The following HNRNPM variants were observed in gnomAD, a reference collection of about 807,000 sequenced individuals.
HNRNPM encodes CEA receptor.
In HNRNPM, 11 loss-of-function variants were observed where a neutral mutation model predicts 73.1. That is an observed-to-expected ratio of 0.15 (90% CI 0.09 to 0.25). The LOEUF is 0.25. Ranked by LOEUF, HNRNPM falls within the 10% of genes least tolerant of loss-of-function variation. The pLI is 1.00. For synonymous variants in HNRNPM, 407 were observed against 355.2 expected (o/e 1.15, Z -1.64); for missense variants, 789 against 1,067.9 (o/e 0.74, Z 3.64).
intron 9 of HNRNPM, 51 bp from the exon 10 acceptor site, chr19:8,471,275 C>T: frequency 8.5e-7 from 1 of 1,174,700 alleles, no homozygotes; most frequent in Non-Finnish European, 1.2e-6. Context: ...CTTTGAGGGT[C>T]AAGGTTTGCT....
chr19:8,486,906 G>T, intron 14 of HNRNPM, 118 bp from the exon 15 acceptor site: 2 of 823,660 alleles, frequency 2.4e-6, no homozygotes, highest in South Asian at 1.4e-5. Context: ...TCAGTCTGAA[G>T]GGCAGCCAGC....
intron 10 of HNRNPM, 119 bp from the exon 11 acceptor site, chr19:8,473,545 C>A: frequency 3.0e-6 from 2 of 670,032 alleles, no homozygotes; most frequent in South Asian, 1.7e-5. Flanking sequence ...ATAAAATATA[C>A]TTGTCATCAG....
At chr19:8,475,204 C>G (rs1970417666) in intron 12 of HNRNPM, among the ~76,000 whole-genome samples, 1 of 152,226 alleles carries the variant, frequency 6.6e-6, no homozygotes, top group Non-Finnish European at 1.5e-5. Context: ...CCCAGGCTGT[C>G]TGGCTCCAGA....
At position 8,474,156 on chromosome 19, in the gene HNRNPM, C is replaced by T. The variant is rs1970345504; in HGVS notation, c.1043-11C>T. 6.4e-7 allele frequency: 1 copy of T among 1,572,754 alleles called. No individual in the cohort carries two copies. The highest frequency in any genetic ancestry group is 1.4e-5 in the African/African-American group (1 of 72,058). ...TGTTGGATGATGCTGAAATGTGAAC[C>T]TCTCTTGCAGGAATGGAGGGGCCCT... On this transcript the variant is annotated splice_polypyrimidine_tract_variant and intron_variant, in intron 11 of 15. Transcript: ENST00000325495.
At chr19:8,468,204 A>T (rs1969889600) in intron 8 of HNRNPM, among the ~76,000 whole-genome samples, 2 of 152,308 alleles carry the variant, frequency 1.3e-5, no homozygotes, top group South Asian at 4.1e-4. Context: ...CCAGTTTTTC[A>T]AAGTATTACA....
At chr19:8,463,827 C>G (rs1969556996) in intron 5 of HNRNPM, 141 bp downstream of exon 5, 1 of 624,624 alleles carries the variant, frequency 1.6e-6, no homozygotes, top group African/African-American at 1.8e-5. Flanking sequence ...GAGTGTCGGT[C>G]ATAGCCTACA....
intron 12 of HNRNPM, among the ~76,000 whole-genome samples, chr19:8,478,776 G>C (rs1970687631): frequency 6.6e-6 from 1 of 152,222 alleles, no homozygotes; most frequent in African/African-American, 2.4e-5. Context: ...TGACTTTCTG[G>C]CCCCCTAGGC....
chr19:8,449,292 A>AG (rs536989804), intron 1 of HNRNPM, among the ~76,000 whole-genome samples: 65 of 151,912 alleles, frequency 4.3e-4, no homozygotes, highest in Non-Finnish European at 6.0e-4. Flanking sequence ...TTTTTTTGGG[A>AG]GGGGGGGTTC....
intron 1 of HNRNPM, among the ~76,000 whole-genome samples, chr19:8,454,683 C>CT (rs1568263019): frequency 0.024 from 2,988 of 124,250 alleles, 141 homozygotes; most frequent in African/African-American, 0.08. Flanking sequence ...GCCCCCCCCC[C>CT]CTTTTTTTTT....
intron 2 of HNRNPM, among the ~76,000 whole-genome samples, chr19:8,458,338 T>C (rs529268031): frequency 6.6e-6 from 1 of 152,366 alleles, no homozygotes; most frequent in East Asian, 1.9e-4. Flanking sequence ...GGTTGTATCC[T>C]GACAGGTAAA....
chr19:8,455,336 A>T, intron 1 of HNRNPM, 69 bp from the exon 2 acceptor site: 1 of 1,352,056 alleles, frequency 7.4e-7, no homozygotes, highest in Non-Finnish European at 1.0e-6. Flanking sequence ...CTGGCAAATC[A>T]AATAATTATC....
intron 11 of HNRNPM, 74 bp from the exon 12 acceptor site, chr19:8,474,088 CATGTG>C (rs1178028946): frequency 2.9e-6 from 3 of 1,041,558 alleles, no homozygotes; most frequent in East Asian, 2.8e-5. Context: ...CCAGTTGAAA[CATGTG>C]ATAGAATTTT....
intron 9 of HNRNPM, among the ~76,000 whole-genome samples, chr19:8,470,390 C>T (rs1383562152): frequency 1.3e-5 from 2 of 152,038 alleles, no homozygotes; most frequent in African/African-American, 2.4e-5. Flanking sequence ...TGCAGTGGTG[C>T]GGTCTTGGCT....
intron 1 of HNRNPM, among the ~76,000 whole-genome samples, chr19:8,451,287 C>T (rs565960412): frequency 6.6e-6 from 1 of 152,092 alleles, no homozygotes; most frequent in African/African-American, 2.4e-5. Context: ...AGGTGATCTG[C>T]CCGCCTCGGC....
chr19:8,468,906 G>C (rs1969945966), intron 9 of HNRNPM, 72 bp downstream of exon 9: 1 of 1,240,562 alleles, frequency 8.1e-7, no homozygotes, highest in South Asian at 1.2e-5. Flanking sequence ...TTACCATATG[G>C]TTTCACTTGA....
Position 8,462,653 on chromosome 19 carries a change from G to A in HNRNPM, c.336+72G>A, listed in dbSNP as rs771797019. On this transcript the variant is annotated intron_variant, in intron 3 of 15. Coordinates refer to ENST00000325495, the MANE Select transcript of HNRNPM (RefSeq NM_005968.5). This position sits in a 1 kb window ranked among gnomAD's most constrained non-coding sequence, Gnocchi z 4.5. ...TGTAACTGTATGGTGGCGTGGAATC[G>A]AATGAAATCAGGAAGGCAGTGAGTG... 33 of 1,274,366 alleles carry A rather than the reference G, an allele frequency of 2.6e-5. No homozygotes were observed. Among genetic ancestry groups the A allele is most frequent in the Non-Finnish European group, 1.7e-5 (15 of 870,414 alleles). 78.9% of individuals were successfully genotyped at this position (1,274,366 alleles called of 1,614,324 possible). A position where few individuals can be genotyped will look rare whatever the true frequency, so the allele number is the denominator to read the frequency against.
chr19:8,468,767 CT>C lies in HNRNPM; in HGVS notation c.835-4del. 4.3e-6 allele frequency: 7 copies of C among 1,612,028 alleles called. No individual in the cohort carries two copies. The highest frequency in any genetic ancestry group is 5.9e-6 in the Non-Finnish European group (7 of 1,178,142). On this transcript the variant is annotated splice_region_variant and splice_polypyrimidine_tract_variant and intron_variant, in intron 8 of 15. Coordinates refer to ENST00000325495, the MANE Select transcript of HNRNPM (RefSeq NM_005968.5). ...ACTGAGATTTGTTTGTTTTCTTTCT[CT>C]TTCAGGATGAGAGGGCCTTACCAAA...
At position 8,485,707 on chromosome 19, in the gene HNRNPM, A is replaced by G. The variant is rs1215860451; in HGVS notation, c.1279A>G (p.Met427Val). Residue 427 changes from methionine to valine, a missense_variant, in exon 14 of 16, where the codon ATG becomes GTG. Physicochemically the swap from Met to Val is conservative, Grantham distance 21. Transcript: ENST00000325495. ...ERMGAGLGHG[M>V]DRVGSEIERM... ...CATGGGCGCGGGCCTGGGCCACGGC[A>G]TGGATCGCGTGGGCTCCGAGATCGA... The G allele has an allele frequency of 1.2e-6, 2 of 1,606,744 alleles. No homozygotes were observed. The highest frequency in any genetic ancestry group is 1.1e-5 in the South Asian group (1 of 91,004).
chr19:8,466,503 A>G, intron 7 of HNRNPM, 115 bp downstream of exon 7: 1 of 1,026,500 alleles, frequency 9.7e-7, no homozygotes, highest in Non-Finnish European at 1.5e-6. Context: ...TTATGTGACT[A>G]GGGGGAGTGC....
Sources: allele counts gnomAD v4.1 joint callset (sites outside exome capture counted in the v4.1 genomes callset), GRCh38; gene constraint gnomAD v4.1.1; non-coding constraint Gnocchi (gnomAD v3.1); transcripts MANE v1.5; gene names NCBI Gene and HGNC (gene_info 2026-07-23, HGNC 2026-07-21).